TMEM253: variants seen among roughly 807,000 people sequenced by gnomAD.
TMEM253 encodes transmembrane protein C14orf176.
A neutral mutation model predicts 20.3 loss-of-function variants in TMEM253; 22 were observed. That is an observed-to-expected ratio of 1.08 (90% confidence interval 0.78 to 1.55). The LOEUF (loss-of-function observed/expected upper bound fraction) is 1.55. Ranked by LOEUF, TMEM253 falls within the 40% of genes most tolerant of loss-of-function variation. The probability of loss-of-function intolerance (pLI) is 0.00; values close to 1 mark genes in which losing one functional copy is unlikely to be tolerated. For synonymous variants in TMEM253, 92 were observed against 102.6 expected (o/e 0.90, Z 0.62); for missense variants, 251 against 266.1 (o/e 0.94, Z 0.39).
Position 21,101,994 on chromosome 14 carries a change from G to C in TMEM253, c.219+19G>C, listed in dbSNP as rs778750437. 3 of 1,551,040 alleles carry C rather than the reference G, an allele frequency of 1.9e-6. No individual in the cohort carries two copies. The African/African-American group carries it at 4.1e-5, about 21-fold the overall frequency. On this transcript the variant is annotated intron_variant, in intron 3 of 6. Transcript: ENST00000556585. The stretch of plus-strand genomic sequence containing the variant: ...AGCCTCAGTAAGACCCACCACAAGG[G>C]AGGGTGGAAGGTCCCAGGGCCCCTT...
chr14:21,101,259 T>C lies in TMEM253; in HGVS notation c.-36-49T>C. Reference sequence around the variant, plus strand: ...GAGGTGTAGCTGAAAGATACGTTGTTGCATGTCCTGTCTCCTAATAGACAG... The same window carrying C: ...GAGGTGTAGCTGAAAGATACGTTGTCGCATGTCCTGTCTCCTAATAGACAG... On this transcript the variant is annotated intron_variant, in intron 1 of 6. Transcript: ENST00000556585. 3.2e-6 allele frequency: 4 copies of C among 1,263,346 alleles called. No homozygotes were observed. In the Admixed American group the frequency reaches 8.2e-5, roughly 26 times the overall value. The allele number at this position is 1,263,346 out of a possible 1,614,324, so 78.3% of individuals were successfully genotyped here. A position where few individuals can be genotyped will look rare whatever the true frequency, so the allele number is the denominator to read the frequency against.
chr14:21,102,859 A>T, intron 6 of TMEM253, 80 bp downstream of exon 6: 1 of 1,499,948 alleles, frequency 6.7e-7, no homozygotes, highest in Non-Finnish European at 8.9e-7. Context: ...GTGGCACTTA[A>T]GGGAAAATAA....
At chr14:21,102,596 GCGGGGT>G (rs1457957343) in intron 5 of TMEM253, 31 bp from the exon 6 acceptor site, 1 of 1,551,184 alleles carries the variant, frequency 6.4e-7, no homozygotes, top group Non-Finnish European at 8.7e-7. Flanking sequence ...GCAAACAGGT[GCGGGGT>G]CCCTGCATTC....
chr14:21,103,218 G>A lies in TMEM253; in HGVS notation c.614G>A (p.Gly205Glu), dbSNP rs765124716. ...AGCACAGGAGCAAATGAGAGGGTGG[G>A]ACAGCGGGAACAGACACGTGCTGCT... is the stretch of plus-strand genomic sequence containing the variant. Residue 205 changes from glycine (G) to glutamate (E), a missense_variant, in exon 7 of 7, where the codon GGA becomes GAA. Coordinates refer to ENST00000556585, the Ensembl canonical transcript of TMEM253. 10 of 1,551,548 alleles carry A rather than the reference G, an allele frequency of 6.4e-6. No homozygotes were observed. Among genetic ancestry groups the A allele is most frequent in the South Asian group, 5.9e-5 (5 of 84,066 alleles).
At chr14:21,098,899 C>T (rs1889476610), upstream of TMEM253, 1 of 1,266,830 alleles carries the variant, frequency 7.9e-7, no homozygotes, top group South Asian at 1.3e-5. Flanking sequence ...AAAGCCTCTC[C>T]CTTACAATTT....
exon 7 of TMEM253, chr14:21,103,586 A>G: frequency 3.6e-6 from 1 of 276,146 alleles, no homozygotes; most frequent in Non-Finnish European, 7.0e-6. Flanking sequence ...TGCACACGCC[A>G]ACTCCCTGAA....
chr14:21,101,385 C>A (rs1889620884), exon 2 of TMEM253: 1 of 1,551,654 alleles, frequency 6.4e-7, no homozygotes, highest in East Asian at 2.4e-5. Context: ...AGAGACACAG[C>A]CTTCGTCTGG....
rs765909179 is a variant in TMEM253, at chr14:21,101,862, C to T, written c.109-3C>T. 6 of 1,551,240 alleles carry T rather than the reference C, an allele frequency of 3.9e-6. No individual in the cohort carries two copies. In the South Asian group the frequency reaches 4.8e-5, roughly 12 times the overall value. The stretch of plus-strand genomic sequence containing the variant: ...TCCCCAATTACCCTACCCTTACCCC[C>T]AGGTGAGCCAGCTATGGCTGGCAGT... On this transcript the variant is annotated splice_region_variant and splice_polypyrimidine_tract_variant and intron_variant, in intron 2 of 6. Transcript: ENST00000556585.
At chr14:21,103,339 T>G in exon 7 of TMEM253, 1 of 1,482,784 alleles carries the variant, frequency 6.7e-7, no homozygotes, top group Non-Finnish European at 8.9e-7. Flanking sequence ...CAATAGGAAG[T>G]CCGGGAGTGC....
intron 6 of TMEM253, 64 bp downstream of exon 6, chr14:21,102,843 T>C (rs1889734312): frequency 3.3e-6 from 5 of 1,520,458 alleles, no homozygotes; most frequent in Non-Finnish European, 4.4e-6. Flanking sequence ...CTGCCTATCC[T>C]GGTCAGTGGC....
intron 1 of TMEM253, 26 bp from the exon 2 acceptor site, chr14:21,101,282 C>A: frequency 6.8e-7 from 1 of 1,467,286 alleles, no homozygotes; most frequent in Non-Finnish European, 9.3e-7. Context: ...TCCTAATAGA[C>A]AGAACCTATA....
intron 2 of TMEM253, 31 bp downstream of exon 2, chr14:21,101,482 A>C: frequency 3.3e-5 from 51 of 1,527,350 alleles, no homozygotes; most frequent in Non-Finnish European, 4.1e-5. Flanking sequence ...CCCAGGTCTC[A>C]GCATGTCCAC....
intron 5 of TMEM253, 59 bp downstream of exon 5, chr14:21,102,574 A>G: frequency 2.6e-6 from 4 of 1,551,184 alleles, no homozygotes; most frequent in Non-Finnish European, 3.5e-6. Flanking sequence ...GTGGGAAGGG[A>G]AAAGGGCAGG....
chr14:21,102,461 G>T, exon 5 of TMEM253: 2 of 1,551,686 alleles, frequency 1.3e-6, no homozygotes. Flanking sequence ...TCATAGTGGT[G>T]GTGGTCGAGG....
Position 21,101,382 on chromosome 14 carries a change from C to T in TMEM253, c.39C>T (p.His13=), listed in dbSNP as rs934016569. Residue 13 remains histidine (H), a synonymous_variant, in exon 2 of 7, where the codon CAC becomes CAT. Coordinates refer to ENST00000556585, the Ensembl canonical transcript of TMEM253. ...CTGGTGAGCAAGAGCAGGAGAGACA[C>T]AGCCTTCGTCTGGAAAAGCTACAAC... 4 of 1,551,550 alleles carry T rather than the reference C, an allele frequency of 2.6e-6. No homozygotes were observed. The African/African-American group carries it at 4.1e-5, about 16-fold the overall frequency.
At chr14:21,103,424 T>A in exon 7 of TMEM253, 1 of 1,154,964 alleles carries the variant, frequency 8.7e-7, no homozygotes, top group Non-Finnish European at 1.2e-6. Context: ...GACGAGAATA[T>A]ATCCTCACCT....
chr14:21,101,495 C>T, intron 2 of TMEM253, 44 bp downstream of exon 2: 1 of 1,499,550 alleles, frequency 6.7e-7, no homozygotes, highest in Non-Finnish European at 9.1e-7. Context: ...ATGTCCACTT[C>T]TACCCAATTC....
At chr14:21,099,362 G>A (rs1018540990), upstream of TMEM253, among the ~76,000 whole-genome samples, 8 of 152,308 alleles carry the variant, frequency 5.3e-5, no homozygotes, top group Non-Finnish European at 2.9e-5. Context: ...CTGCAGGCTC[G>A]GGGATCCTCA....
upstream of TMEM253, among the ~76,000 whole-genome samples, chr14:21,099,547 G>C (rs1229718280): frequency 6.6e-6 from 1 of 152,236 alleles, no homozygotes; most frequent in African/African-American, 2.4e-5. Flanking sequence ...GATGGGGCAG[G>C]AGTGGCTTAC....
Sources: allele counts gnomAD v4.1 joint callset (sites outside exome capture counted in the v4.1 genomes callset), GRCh38; gene constraint gnomAD v4.1.1; transcripts MANE v1.5; gene names NCBI Gene and HGNC (gene_info 2026-07-23, HGNC 2026-07-21).